Variants in NBEAL1 observed in about 807,000 individuals in gnomAD.
NBEAL1 encodes the protein neurobeachin like 1, also known as neurobeachin-like protein 1.
NBEAL1 carries 273 observed loss-of-function variants against 351.3 expected under a neutral mutation model. The observed-to-expected ratio is 0.78, with a 90% CI of 0.70 to 0.86. The LOEUF (loss-of-function observed/expected upper bound fraction) is 0.86. NBEAL1 is among the 40% of genes least tolerant of loss of function. NBEAL1 has a pLI of 0.00. For missense variants in NBEAL1, 2,961 were observed against 3,201.3 expected, an observed-to-expected ratio of 0.92 and a Z score of 1.81; for synonymous variants, 1,050 against 1,086.4, an observed-to-expected ratio of 0.97 and a Z score of 0.66.
At chr2:203,117,281 G>C (rs1442719156) in intron 18 of NBEAL1, among the ~76,000 whole-genome samples, 1 of 151,582 alleles carries the variant, frequency 6.6e-6, no homozygotes, top group East Asian at 2.0e-4. Flanking sequence ...TGGCTAACAC[G>C]GTGAAACCCC....
chr2:203,081,020 A>C (rs1286737111), intron 8 of NBEAL1, among the ~76,000 whole-genome samples: 1 of 152,204 alleles, frequency 6.6e-6, no homozygotes, highest in Non-Finnish European at 1.5e-5. Flanking sequence ...CTAACACTAA[A>C]ATCAAGTAGC....
At chr2:203,120,562 T>G (rs1233853521) in intron 18 of NBEAL1, among the ~76,000 whole-genome samples, 1 of 152,156 alleles carries the variant, frequency 6.6e-6, no homozygotes, top group Non-Finnish European at 1.5e-5. Context: ...ACTGTAAAAC[T>G]GGGTTCTACA....
chr2:203,190,375 T>G lies in NBEAL1; in HGVS notation c.6907T>G (p.Cys2303Gly). 1.9e-6 allele frequency: 3 copies of G among 1,606,908 alleles called. No homozygotes were observed. The highest frequency in any genetic ancestry group is 2.5e-6 in the Non-Finnish European group (3 of 1,176,802). Reference sequence around the variant, plus strand: ...GATTAATAATTTTGGGCAAACACCCTGTCAATTATTAAAGGTAAGTCAACA... The same window carrying G: ...GATTAATAATTTTGGGCAAACACCCGGTCAATTATTAAAGGTAAGTCAACA... ...GMINNFGQTPCQLLKEPHPPR... is the reference protein window; with the variant it reads ...GMINNFGQTPGQLLKEPHPPR... The change falls in exon 46 of 56, where the codon TGT becomes GGT. Residue 2303 changes from cysteine (C) to glycine (G), a missense_variant. Physicochemically the swap from Cys to Gly is radical, Grantham distance 159 (BLOSUM62 -3). Coordinates refer to ENST00000683969, the MANE Select transcript of NBEAL1 (RefSeq NM_001378026.1).
chr2:203,217,203 T>A lies in NBEAL1; in HGVS notation c.8071-50T>A, dbSNP rs540410349. 442 of 1,375,212 alleles carry A rather than the reference T, an allele frequency of 3.2e-4. 1 individual carries two copies. In the East Asian group the frequency reaches 4.4e-3, roughly 14 times the overall value. 85.2% of individuals were successfully genotyped at this position (1,375,212 alleles called of 1,614,324 possible). A position where few individuals can be genotyped will look rare whatever the true frequency, so the allele number is the denominator to read the frequency against. On this transcript the variant is annotated intron_variant, in intron 55 of 55. Transcript: ENST00000683969. ...ATCAGTGTCTTACATATCTTTTTTTTAATTTTTTCTTAATATTTATTCTTC... is the reference window on the plus strand; with the variant it reads ...ATCAGTGTCTTACATATCTTTTTTTAAATTTTTTCTTAATATTTATTCTTC...
At chr2:203,196,237 A>G (rs1033515605) in intron 47 of NBEAL1, among the ~76,000 whole-genome samples, 3 of 152,238 alleles carry the variant, frequency 2.0e-5, no homozygotes, top group African/African-American at 7.2e-5. Context: ...CTGCAGGTGC[A>G]GCAACACATC....
At chr2:203,203,563 A>T (rs1189710183) in intron 51 of NBEAL1, among the ~76,000 whole-genome samples, 1 of 151,748 alleles carries the variant, frequency 6.6e-6, no homozygotes, top group Non-Finnish European at 1.5e-5. Context: ...CATTTAAAAA[A>T]CCCAGCTGAG....
intron 12 of NBEAL1, among the ~76,000 whole-genome samples, chr2:203,105,821 G>A (rs1297529235): frequency 6.6e-6 from 1 of 152,136 alleles, no homozygotes; most frequent in Non-Finnish European, 1.5e-5. Context: ...GGCAAAGAAT[G>A]GGACATGAGC....
chr2:203,212,606 C>CAAA (rs367786013), intron 54 of NBEAL1, among the ~76,000 whole-genome samples: 2 of 81,262 alleles, frequency 2.5e-5, no homozygotes, highest in Admixed American at 1.3e-4. Flanking sequence ...GACTCCATCT[C>CAAA]AAAAAAAAAA....
At chr2:203,141,147 A>G (rs926152642) in intron 31 of NBEAL1, among the ~76,000 whole-genome samples, 10 of 151,190 alleles carry the variant, frequency 6.6e-5, no homozygotes, top group African/African-American at 2.2e-4. Context: ...AGTTGCAGTT[A>G]GCATGCTAGA....
chr2:203,023,997 ATG>A (rs770846284), intron 2 of NBEAL1, among the ~76,000 whole-genome samples: 2 of 151,656 alleles, frequency 1.3e-5, no homozygotes, highest in Non-Finnish European at 2.9e-5. Context: ...GTAAGTTTAA[ATG>A]AGAGAGGAGC....
chr2:203,072,990 G>C (rs187503393), intron 7 of NBEAL1, among the ~76,000 whole-genome samples: 1 of 152,254 alleles, frequency 6.6e-6, no homozygotes, highest in Non-Finnish European at 1.5e-5. Flanking sequence ...TTTTCTGTGA[G>C]AGTTGGTTTG....
In NBEAL1 at chr2:203,126,068, C is replaced by G; in HGVS notation, c.2960C>G (p.Ala987Gly). ...AATCTTATTCACTCCCATGGAGTTG[C>G]AACTCTTGGTGCTTTACTTCAGAAG... ...QGNLIHSHGV[A>G]TLGALLQKVP... The change falls in exon 21 of 56, where the codon GCA becomes GGA. Residue 987 changes from alanine (A) to glycine (G), a missense_variant. Transcript: ENST00000683969. 1 of 1,544,028 alleles carries G rather than the reference C, an allele frequency of 6.5e-7. No homozygotes were observed. Among genetic ancestry groups the G allele is most frequent in the Non-Finnish European group, 8.7e-7 (1 of 1,144,048 alleles).
chr2:203,135,955 C>G lies in NBEAL1; in HGVS notation c.4092C>G (p.His1364Gln). The change falls in exon 28 of 56, where the codon CAC (histidine) becomes CAG (glutamine). Residue 1364 changes from histidine to glutamine, a missense_variant. Transcript: ENST00000683969. ...SSDQWSLEDR[H>Q]SLDSNTPLFP... is the part of the protein sequence containing the mutation. ...ATCAGTGGAGTTTGGAGGATAGACA[C>G]TCTTTAGACTCAAACACACCATTAT... 6 of 1,614,094 alleles carry G rather than the reference C, an allele frequency of 3.7e-6. No homozygotes were observed. The highest frequency in any genetic ancestry group is 1.1e-5 in the South Asian group (1 of 91,078).
chr2:203,097,585 C>T lies in NBEAL1; in HGVS notation c.1137C>T (p.Asn379=), dbSNP rs374639574. ...CTAACAATAAGGTGGCAGACAAGAA[C>T]GAGAAAGACCTTGCCAACAAATTAC... The part of the protein sequence containing the change: ...LNANNKVADK[N]EKDLANKLLT... Residue 379 remains asparagine (N), a synonymous_variant, in exon 11 of 56, where the codon AAC becomes AAT. Transcript: ENST00000683969. 6.6e-5 allele frequency: 65 copies of T among 985,420 alleles called. No homozygotes were observed. The highest frequency in any genetic ancestry group is 4.0e-4 in the African/African-American group (23 of 57,188). 61.0% of individuals were successfully genotyped at this position (985,420 alleles called of 1,614,324 possible).
intron 2 of NBEAL1, among the ~76,000 whole-genome samples, chr2:203,033,163 G>T (rs1036734847): frequency 6.6e-6 from 1 of 151,782 alleles, no homozygotes; most frequent in African/African-American, 2.4e-5. Context: ...ACCACGCATG[G>T]CTAATTTTTT....
Position 203,171,985 on chromosome 2 carries a change from G to A in NBEAL1, c.6160G>A (p.Ala2054Thr). Residue 2054 changes from alanine (A) to threonine (T), a missense_variant, in exon 40 of 56, where the codon GCA becomes ACA. Physicochemically the swap from Ala to Thr is moderately conservative, Grantham distance 58. Transcript: ENST00000683969. ...CTACCTCATTCAAATAAATACAATG[G>A]CAGGACGAACCTATAATGACCTTGC... ...FDYLIQINTM[A>T]GRTYNDLAQY... 3.7e-6 allele frequency: 6 copies of A among 1,608,246 alleles called. No homozygotes were observed. Among genetic ancestry groups the A allele is most frequent in the Non-Finnish European group, 5.1e-6 (6 of 1,178,058 alleles).
chr2:203,211,417 G>A (rs2065786781), intron 54 of NBEAL1, among the ~76,000 whole-genome samples: 1 of 152,144 alleles, frequency 6.6e-6, no homozygotes, highest in South Asian at 2.1e-4. Flanking sequence ...AAAGAGGGAG[G>A]AATGCTTGAG....
chr2:203,203,923 T>G (rs1311901122), intron 51 of NBEAL1, among the ~76,000 whole-genome samples: 3 of 151,556 alleles, frequency 2.0e-5, no homozygotes, highest in Non-Finnish European at 3.0e-5. Flanking sequence ...TTGTGTTTTT[T>G]TTGTTATTTT....
chr2:203,039,706 G>A (rs1162714223), intron 2 of NBEAL1, among the ~76,000 whole-genome samples: 1 of 152,126 alleles, frequency 6.6e-6, no homozygotes, highest in Non-Finnish European at 1.5e-5. Context: ...TTTTCTTCTA[G>A]AAAATTTGGG....
Sources: allele counts gnomAD v4.1 joint callset (sites outside exome capture counted in the v4.1 genomes callset), GRCh38; gene constraint gnomAD v4.1.1; transcripts MANE v1.5; gene names NCBI Gene and HGNC (gene_info 2026-07-23, HGNC 2026-07-21).